The following ASCC3 variants were observed in gnomAD, a reference collection of about 807,000 sequenced individuals.
The protein encoded by ASCC3 is activating signal cointegrator 1 complex subunit 3.
In ASCC3, 158 loss-of-function variants were observed where a neutral mutation model predicts 256.3. That is an observed-to-expected ratio of 0.62 (90% CI 0.54 to 0.70). ASCC3 has a LOEUF of 0.70. Among genes scored for constraint, ASCC3 ranks in the 30% least tolerant of loss-of-function variants. The pLI, the probability that ASCC3 is intolerant of heterozygous loss-of-function variation, is 0.00. For missense variants in ASCC3, 2,259 were observed against 2,626.0 expected (o/e 0.86, Z 3.05); for synonymous variants, 948 against 883.4 (o/e 1.07, Z -1.30).
intron 36 of ASCC3, among the ~76,000 whole-genome samples, chr6:100,565,430 T>C (rs1250091552): frequency 6.6e-6 from 1 of 152,172 alleles, no homozygotes; most frequent in African/African-American, 2.4e-5. Context: ...AATTACTTTA[T>C]GATTTCTTCT....
intron 4 of ASCC3, among the ~76,000 whole-genome samples, chr6:100,838,053 G>A (rs1006303485): frequency 6.6e-6 from 1 of 151,748 alleles, no homozygotes; most frequent in East Asian, 1.9e-4. Context: ...TTAAAACATG[G>A]TAAATAGTAT....
chr6:100,668,835 A>T (rs1273610143), intron 14 of ASCC3, among the ~76,000 whole-genome samples: 1 of 151,920 alleles, frequency 6.6e-6, no homozygotes, highest in Non-Finnish European at 1.5e-5. Context: ...TTTTGACAAA[A>T]GGCTACATTC....
intron 36 of ASCC3, among the ~76,000 whole-genome samples, chr6:100,583,973 G>C (rs368397146): frequency 5.3e-5 from 8 of 152,062 alleles, no homozygotes; most frequent in South Asian, 2.1e-4. Flanking sequence ...AATTTCTGTT[G>C]TTTTACATTT....
intron 36 of ASCC3, among the ~76,000 whole-genome samples, chr6:100,583,484 CTTT>C (rs1771437950): frequency 6.8e-6 from 1 of 147,326 alleles, no homozygotes; most frequent in Admixed American, 6.7e-5. Flanking sequence ...CTCTTTTCTT[CTTT>C]ATTAGTCTTG....
intron 10 of ASCC3, among the ~76,000 whole-genome samples, chr6:100,756,400 C>A (rs75224547): frequency 6.6e-6 from 1 of 151,880 alleles, no homozygotes; most frequent in Non-Finnish European, 1.5e-5. Flanking sequence ...CTTGCAAGTG[C>A]GAGACTTATG....
At position 100,786,391 on chromosome 6, in the gene ASCC3, T is replaced by A. The variant is rs374329038; in HGVS notation, c.1395+12322A>T. Among the ~76,000 whole-genome samples, 35 of 152,280 alleles carry A rather than the reference T, an allele frequency of 2.3e-4. No homozygotes were observed. In the East Asian group the frequency reaches 6.2e-3, roughly 27 times the overall value. ...ATTCTCTTGTTTAAGGAGATGTACATTTAAAATGGCATTCTTGCACTATTT... is the reference window on the plus strand; with the variant it reads ...ATTCTCTTGTTTAAGGAGATGTACAATTAAAATGGCATTCTTGCACTATTT... On this transcript the variant is annotated intron_variant, in intron 8 of 41. Transcript: ENST00000369162.
intron 36 of ASCC3, among the ~76,000 whole-genome samples, chr6:100,571,275 C>G (rs1329665403): frequency 6.6e-6 from 1 of 152,178 alleles, no homozygotes; most frequent in Non-Finnish European, 1.5e-5. Flanking sequence ...ATGACTTGCT[C>G]CTGCATATTA....
chr6:100,751,464 C>A (rs1201270526), intron 10 of ASCC3, among the ~76,000 whole-genome samples: 2 of 151,792 alleles, frequency 1.3e-5, no homozygotes, highest in African/African-American at 4.8e-5. Context: ...ACAAAAGTAA[C>A]CAGAGGCAGT....
intron 4 of ASCC3, among the ~76,000 whole-genome samples, chr6:100,825,446 C>T (rs1334672731): frequency 6.6e-6 from 1 of 152,056 alleles, no homozygotes; most frequent in African/African-American, 2.4e-5. Flanking sequence ...TAGAAATGTC[C>T]CTTTTACGGA....
At chr6:100,691,712 TTTTG>T (rs776965201) in intron 13 of ASCC3, among the ~76,000 whole-genome samples, 15 of 151,982 alleles carry the variant, frequency 9.9e-5, no homozygotes, top group Non-Finnish European at 2.2e-4. Context: ...AATCAATTGT[TTTTG>T]TTTTAGAAAA....
intron 3 of ASCC3, among the ~76,000 whole-genome samples, chr6:100,851,409 T>C (rs1196190682): frequency 3.3e-5 from 5 of 152,210 alleles, no homozygotes; most frequent in African/African-American, 1.2e-4. Context: ...GATATAGCCA[T>C]ATACATTCAC....
intron 4 of ASCC3, among the ~76,000 whole-genome samples, chr6:100,824,132 A>G (rs142143913): frequency 2.2e-4 from 34 of 152,268 alleles, no homozygotes; most frequent in Non-Finnish European, 4.3e-4. Flanking sequence ...AATATGACAA[A>G]CCTAATTAGA....
chr6:100,812,106 A>G (rs946583790), intron 4 of ASCC3, among the ~76,000 whole-genome samples: 7 of 152,168 alleles, frequency 4.6e-5, no homozygotes, highest in African/African-American at 1.7e-4. Flanking sequence ...GTGAAGTGAG[A>G]GGGGATGAAA....
At chr6:100,856,351 G>A (rs1324352412) in intron 3 of ASCC3, 1 of 963,318 alleles carries the variant, frequency 1.0e-6, no homozygotes, top group Non-Finnish European at 1.2e-6. Flanking sequence ...TGTTTACCAG[G>A]ACCTGAGCAG....
chr6:100,638,112 T>C (rs140808938), intron 25 of ASCC3, among the ~76,000 whole-genome samples: 30 of 152,238 alleles, frequency 2.0e-4, no homozygotes, highest in Admixed American at 1.6e-3. Flanking sequence ...GCAAACTTCA[T>C]TGTCTTATTT....
intron 36 of ASCC3, among the ~76,000 whole-genome samples, chr6:100,555,100 G>T (rs998190397): frequency 6.6e-6 from 1 of 150,760 alleles, no homozygotes; most frequent in Non-Finnish European, 1.5e-5. Context: ...GGTATACTAG[G>T]AATTAACATT....
At chr6:100,544,802 C>G (rs574328813) in intron 36 of ASCC3, among the ~76,000 whole-genome samples, 1 of 152,204 alleles carries the variant, frequency 6.6e-6, no homozygotes, top group East Asian at 1.9e-4. Context: ...AGAAATATTT[C>G]CCAACTAATT....
intron 37 of ASCC3, among the ~76,000 whole-genome samples, chr6:100,535,007 C>G (rs1294022328): frequency 6.6e-6 from 1 of 152,180 alleles, no homozygotes; most frequent in Non-Finnish European, 1.5e-5. Flanking sequence ...ATACTAAGAC[C>G]TACTTCCAAG....
rs1485811755 is a variant in ASCC3, at chr6:100,730,656, T to A, written c.1738-4953A>T. Reference sequence around the variant, plus strand: ...AGATTAAATCTAAAATGTCACATGGTTTACATTCCATAAACATACATATAA... The same window carrying A: ...AGATTAAATCTAAAATGTCACATGGATTACATTCCATAAACATACATATAA... On this transcript the variant is annotated intron_variant, in intron 10 of 41. Transcript: ENST00000369162. 2.0e-5 allele frequency among the ~76,000 whole-genome samples: 3 copies of A among 152,306 alleles called. No homozygotes were observed. In the East Asian group the frequency reaches 5.8e-4, roughly 29 times the overall value.
Sources: gnomAD v4.1 joint callset for allele counts (sites outside exome capture counted in the v4.1 genomes callset) on GRCh38, gnomAD v4.1.1 for gene constraint, MANE v1.5 for transcripts, NCBI Gene and HGNC (gene_info 2026-07-23, HGNC 2026-07-21) for gene names.